PRKCA: variants seen among roughly 807,000 people sequenced by gnomAD.
PRKCA encodes protein kinase C alpha type.
Under a neutral mutation model 87.0 loss-of-function variants are expected in PRKCA, and 27 were observed. The observed-to-expected ratio is 0.31, with a 90% CI of 0.23 to 0.43. The LOEUF is 0.43. Among genes scored for constraint, PRKCA ranks in the 20% least tolerant of loss-of-function variants. The probability of loss-of-function intolerance (pLI) is 1.00; values close to 1 mark genes in which losing one functional copy is unlikely to be tolerated. For missense variants in PRKCA, 518 were observed against 852.3 expected, an observed-to-expected ratio of 0.61 and a Z score of 4.88; for synonymous variants, 329 against 311.1, an observed-to-expected ratio of 1.06 and a Z score of -0.61.
rs535352570 is a variant in PRKCA, at chr17:66,805,139, T to C, written c.*1102T>C. ...GATGTCCACTTAGGGATAAAAAGAA[T>C]ATGGTTTTGGTTCCCATTTCTAGTT... On this transcript the variant is annotated 3_prime_UTR_variant, in exon 17 of 17. Coordinates refer to ENST00000413366, the MANE Select transcript of PRKCA (RefSeq NM_002737.3). 28 of 983,698 alleles carry C rather than the reference T, an allele frequency of 2.8e-5. No homozygotes were observed. The South Asian group carries it at 1.1e-3, about 40-fold the overall frequency. The allele number at this position is 983,698 out of a possible 1,614,324, so 60.9% of individuals were successfully genotyped here.
intron 2 of PRKCA, among the ~76,000 whole-genome samples, chr17:66,399,100 CTT>C (rs143646957): frequency 8.5e-6 from 1 of 117,284 alleles, no homozygotes. Context: ...CTTTTCTTTT[CTT>C]TTTTTTTTTT....
chr17:66,468,247 T>C (rs1047324363), intron 2 of PRKCA, among the ~76,000 whole-genome samples: 2 of 152,206 alleles, frequency 1.3e-5, no homozygotes, highest in Non-Finnish European at 2.9e-5. Flanking sequence ...TAAAAAGATA[T>C]ACAGGTGAAA....
intron 2 of PRKCA, among the ~76,000 whole-genome samples, chr17:66,439,195 TA>T (rs201084976): frequency 1.6e-4 from 24 of 151,690 alleles, no homozygotes; most frequent in African/African-American, 4.6e-4. Context: ...TTCTTTTTTT[TA>T]TTGAGACAGA....
At chr17:66,486,588 G>C (rs1019977319) in intron 2 of PRKCA, among the ~76,000 whole-genome samples, 1 of 151,884 alleles carries the variant, frequency 6.6e-6, no homozygotes, top group Non-Finnish European at 1.5e-5. Flanking sequence ...AGACAGCCTC[G>C]TCCTTTCTAC....
intron 5 of PRKCA, among the ~76,000 whole-genome samples, chr17:66,649,651 T>G (rs1971540637): frequency 6.6e-6 from 1 of 152,166 alleles, no homozygotes; most frequent in Non-Finnish European, 1.5e-5. Flanking sequence ...TAGAGTCTCC[T>G]TTGGAACAAA....
At chr17:66,588,836 T>C (rs545028853) in intron 3 of PRKCA, among the ~76,000 whole-genome samples, 1 of 152,064 alleles carries the variant, frequency 6.6e-6, no homozygotes, top group South Asian at 2.1e-4. Flanking sequence ...AGACAGGGTA[T>C]CACCATGTTG....
Position 66,337,712 on chromosome 17 carries a change from G to C in PRKCA, c.205+31585G>C, listed in dbSNP as rs562649151. On this transcript the variant is annotated intron_variant, in intron 2 of 16. Coordinates refer to ENST00000413366, the MANE Select transcript of PRKCA (RefSeq NM_002737.3). ...GGATCTAAGTTTTAAACCTGGTTGA[G>C]CTAATAGGAAAACCTAACTTTTAAA... Among the ~76,000 whole-genome samples the C allele has an allele frequency of 1.3e-3, 197 of 152,284 alleles. 1 individual carries two copies. The South Asian group carries it at 0.04, about 31-fold the overall frequency.
chr17:66,656,555 G>A (rs888697475), intron 5 of PRKCA, among the ~76,000 whole-genome samples: 2 of 152,114 alleles, frequency 1.3e-5, no homozygotes, highest in African/African-American at 2.4e-5. Flanking sequence ...AAATGTGTTA[G>A]CCAAGTGAGA....
intron 13 of PRKCA, among the ~76,000 whole-genome samples, chr17:66,766,572 C>T (rs1974816531): frequency 6.6e-6 from 1 of 152,146 alleles, no homozygotes; most frequent in Non-Finnish European, 1.5e-5. Flanking sequence ...CTTTGGGAGG[C>T]CAAGGCAGGT....
intron 16 of PRKCA, among the ~76,000 whole-genome samples, chr17:66,794,302 A>T (rs898591079): frequency 6.6e-6 from 1 of 152,172 alleles, no homozygotes; most frequent in Admixed American, 6.5e-5. Context: ...GCAAGAGCCA[A>T]AGAGAATAAG....
chr17:66,564,342 G>A (rs1427749655), intron 3 of PRKCA, among the ~76,000 whole-genome samples: 1 of 152,154 alleles, frequency 6.6e-6, no homozygotes, highest in Non-Finnish European at 1.5e-5. Flanking sequence ...AACTCCCAGA[G>A]TGCTGGGATT....
At position 66,360,693 on chromosome 17, in the gene PRKCA, A is replaced by G. The variant is rs144252988; in HGVS notation, c.205+54566A>G. ...GGGATAAGTGGTTCCTATTTTCAGT[A>G]TCTCTCCTCCACAGGTCTTTATGGA... On this transcript the variant is annotated intron_variant, in intron 2 of 16. Coordinates refer to ENST00000413366, the MANE Select transcript of PRKCA (RefSeq NM_002737.3). Among the ~76,000 whole-genome samples the G allele has an allele frequency of 4.4e-3, 673 of 152,290 alleles. 6 individuals are homozygous for G. The highest frequency in any genetic ancestry group is 0.016 in the African/African-American group (652 of 41,562).
At chr17:66,406,870 T>G (rs1911440223) in intron 2 of PRKCA, among the ~76,000 whole-genome samples, 3 of 152,006 alleles carry the variant, frequency 2.0e-5, no homozygotes, top group African/African-American at 7.2e-5. Flanking sequence ...AGAAAAGAGC[T>G]CCTGTCTGCT....
chr17:66,574,224 A>C (rs1200700912), intron 3 of PRKCA, among the ~76,000 whole-genome samples: 3 of 152,186 alleles, frequency 2.0e-5, no homozygotes, highest in Non-Finnish European at 4.4e-5. Context: ...TGCCTAAAGA[A>C]AGACTATATT....
intron 2 of PRKCA, among the ~76,000 whole-genome samples, chr17:66,440,638 T>G (rs1913685724): frequency 6.6e-6 from 1 of 152,108 alleles, no homozygotes; most frequent in Admixed American, 6.6e-5. Flanking sequence ...AGTCTGGGAC[T>G]GGTGGTCAAG....
At chr17:66,520,004 T>C (rs1967103667) in intron 3 of PRKCA, among the ~76,000 whole-genome samples, 1 of 152,174 alleles carries the variant, frequency 6.6e-6, no homozygotes, top group South Asian at 2.1e-4. Flanking sequence ...ATTCCTAAGC[T>C]ATTGGAAGGC....
intron 3 of PRKCA, among the ~76,000 whole-genome samples, chr17:66,625,389 A>C (rs995165696): frequency 6.6e-6 from 1 of 152,024 alleles, no homozygotes; most frequent in Non-Finnish European, 1.5e-5. Flanking sequence ...GTTCCTCTCT[A>C]CTCTGCTGGT....
At chr17:66,759,170 A>T (rs1487406550) in intron 13 of PRKCA, among the ~76,000 whole-genome samples, 5 of 152,006 alleles carry the variant, frequency 3.3e-5, no homozygotes, top group African/African-American at 4.8e-5. Context: ...CTGGCTAACA[A>T]GGTGAAACCC....
chr17:66,555,131 G>A (rs1968456927), intron 3 of PRKCA, among the ~76,000 whole-genome samples: 2 of 152,194 alleles, frequency 1.3e-5, no homozygotes, highest in Non-Finnish European at 2.9e-5. Flanking sequence ...ACCTGCCTCG[G>A]CCTCCCAAAG....
Sources: gnomAD v4.1 joint callset for allele counts (sites outside exome capture counted in the v4.1 genomes callset) on GRCh38, gnomAD v4.1.1 for gene constraint, MANE v1.5 for transcripts, NCBI Gene and HGNC (gene_info 2026-07-23, HGNC 2026-07-21) for gene names.